AATK: variants seen among roughly 807,000 people sequenced by gnomAD.
The protein encoded by AATK is serine/threonine-protein kinase LMTK1.
Under a neutral mutation model 114.3 loss-of-function variants are expected in AATK, and 91 were observed. That is an observed-to-expected ratio of 0.80 (90% CI 0.67 to 0.95). The LOEUF is 0.95. Ranked by LOEUF, AATK falls within the 40% of genes least tolerant of loss-of-function variation. AATK has a pLI of 0.00. For missense variants in AATK, 2,176 were observed against 1,965.2 expected, an observed-to-expected ratio of 1.11 and a Z score of -2.03; for synonymous variants, 1,075 against 916.5, an observed-to-expected ratio of 1.17 and a Z score of -3.12.
chr17:81,127,764 C>T (rs766205707), intron 5 of AATK, 28 bp downstream of exon 5: 150 of 1,503,318 alleles, frequency 1.0e-4, no homozygotes, highest in Non-Finnish European at 1.3e-4. Flanking sequence ...CCGCACAGCA[C>T]AGGCCTTTGT....
Position 81,127,649 on chromosome 17 carries a change from C to A in AATK, c.555G>T (p.Leu185=), listed in dbSNP as rs565941897. Residue 185 remains leucine (L), a synonymous_variant, in exon 6 of 14, where the codon CTG becomes CTT. Transcript: ENST00000326724. ...QPYRALKHSN[L]LQCLAQCAEV... is the part of the protein sequence containing the mutation. ...CGGCGCACTGGGCCAGGCACTGGAG[C>A]AGGTTGCTGTGCTTCAGGGCCCTGC... 6 of 1,594,456 alleles carry A rather than the reference C, an allele frequency of 3.8e-6. No individual in the cohort carries two copies. In the East Asian group the frequency reaches 1.1e-4, roughly 30 times the overall value.
intron 4 of AATK, 98 bp downstream of exon 4, chr17:81,128,372 C>T: frequency 5.7e-6 from 8 of 1,408,500 alleles, no homozygotes; most frequent in South Asian, 2.5e-5. Context: ...AAGAAGGGAC[C>T]GTCGGGGCTG....
chr17:81,121,771 C>G lies in AATK; in HGVS notation c.2165G>C (p.Gly722Ala). ...CCCAAGCAGAGGCTCTCCAGGGTACCCCGGCTCGGGGGAGGCCCGTGGGGT... is the reference window on the plus strand; with the variant it reads ...CCCAAGCAGAGGCTCTCCAGGGTACGCCGGCTCGGGGGAGGCCCGTGGGGT... ...KQTPRASPEP[G>A]YPGEPLLGLQ... Residue 722 changes from glycine to alanine, a missense_variant, in exon 11 of 14, where the codon GGG becomes GCG. This residue lies in a region of AATK where 1,701 missense variants were observed against 1,394.7 expected (regional missense o/e 1.22). Coordinates refer to ENST00000326724, the MANE Select transcript of AATK (RefSeq NM_001080395.3). The G allele has an allele frequency of 5.9e-6, 9 of 1,536,664 alleles. No homozygotes were observed. The highest frequency in any genetic ancestry group is 7.9e-6 in the Non-Finnish European group (9 of 1,145,660).
chr17:81,131,171 G>C lies in AATK; in HGVS notation c.224C>G (p.Ala75Gly), dbSNP rs754738053. Residue 75 changes from alanine (A) to glycine (G), a missense_variant, in exon 3 of 14, where the codon GCC (alanine) becomes GGC (glycine). By Grantham distance (60) the Ala-to-Gly change is moderately conservative. Around this residue, in one of 4 missense-constraint regions of AATK, gnomAD observed 178 missense variants for 175.4 expected, o/e 1.01. Transcript: ENST00000326724. The part of the protein sequence containing the change: ...FENAEGDEYA[A>G]DLAQGSPATA... The stretch of plus-strand genomic sequence containing the variant: ...GGCCGGGGAGCCCTGCGCCAGGTCG[G>C]CTGCGTACTCGTCCCCCTCCGCATT... 2.1e-5 allele frequency: 33 copies of C among 1,580,374 alleles called. No homozygotes were observed. The highest frequency in any genetic ancestry group is 7.1e-5 in the Admixed American group (4 of 56,512).
rs2060835595 is a variant in AATK at position 81,126,824 on chromosome 17, T to G, written c.622-264A>C. On this transcript the variant is annotated intron_variant, in intron 6 of 13. Coordinates refer to ENST00000326724, the MANE Select transcript of AATK (RefSeq NM_001080395.3). The surrounding 1 kb of genome is among the most constrained non-coding windows in gnomAD (Gnocchi z 5.1). ...GCAGCAGGAGTCCCTTGGCCTGTGG[T>G]AGAGAGAGAAACACAGGGCCCAAGT... The G allele has an allele frequency of 3.0e-6, 4 of 1,315,308 alleles. No homozygotes were observed. Among genetic ancestry groups the G allele is most frequent in the Non-Finnish European group, 3.9e-6 (4 of 1,030,632 alleles). The allele number at this position is 1,315,308 out of a possible 1,614,324, so 81.5% of individuals were successfully genotyped here.
rs140208789 is a variant in AATK at position 81,154,983 on chromosome 17, G to A, written c.55+10955C>T. Among the ~76,000 whole-genome samples, 338 of 152,282 alleles carry A rather than the reference G, an allele frequency of 2.2e-3. 1 individual carries two copies. The highest frequency in any genetic ancestry group is 7.6e-3 in the African/African-American group (316 of 41,558). On this transcript the variant is annotated intron_variant, in intron 1 of 13. Coordinates refer to ENST00000326724, the MANE Select transcript of AATK (RefSeq NM_001080395.3). The stretch of plus-strand genomic sequence containing the variant: ...TACTTCTTACAGCTCGCTGTGCTCT[G>A]TGCTTCATCTCCAAATCATTTCCAG...
intron 1 of AATK, among the ~76,000 whole-genome samples, chr17:81,161,192 T>A (rs2146421795): frequency 6.6e-6 from 1 of 152,222 alleles, no homozygotes; most frequent in Middle Eastern, 3.4e-3. Context: ...GTGCTCACAG[T>A]TCTGGACAGT....
Position 81,118,219 on chromosome 17 carries a change from G to T in AATK, c.*183C>A, listed in dbSNP as rs115898400. 4 of 616,168 alleles carry T rather than the reference G, an allele frequency of 6.5e-6. No homozygotes were observed. The Admixed American group carries it at 1.2e-4, about 18-fold the overall frequency. 38.2% of individuals were successfully genotyped at this position (616,168 alleles called of 1,614,324 possible). On this transcript the variant is annotated 3_prime_UTR_variant, in exon 14 of 14. Transcript: ENST00000326724. The stretch of plus-strand genomic sequence containing the variant: ...TCTGCCTCTGGGGCGGAGCATGGCC[G>T]ATCTACCATCCAGGGCCTCTCATCC...
In AATK at chr17:81,126,047, C is replaced by T; in HGVS notation, c.755+380G>A. On this transcript the variant is annotated intron_variant, in intron 7 of 13. Coordinates refer to ENST00000326724, the MANE Select transcript of AATK (RefSeq NM_001080395.3). The surrounding 1 kb of genome is among the most constrained non-coding windows in gnomAD (Gnocchi z 5.1). Reference sequence around the variant, plus strand: ...GGTCCCCAGGGGCTGGGCATCCTGGCCCAAGCAGGACAGAACCCTCCCTCC... The same window carrying T: ...GGTCCCCAGGGGCTGGGCATCCTGGTCCAAGCAGGACAGAACCCTCCCTCC... 2 of 483,964 alleles carry T rather than the reference C, an allele frequency of 4.1e-6. No individual in the cohort carries two copies. The highest frequency in any genetic ancestry group is 3.1e-5 in the South Asian group (2 of 64,496). The allele number at this position is 483,964 out of a possible 1,614,324, so 30.0% of individuals were successfully genotyped here. A position where few individuals can be genotyped will look rare whatever the true frequency, so the allele number is the denominator to read the frequency against.
In AATK at chr17:81,126,922, C is replaced by T; in HGVS notation, c.622-362G>A. On this transcript the variant is annotated intron_variant, in intron 6 of 13. Transcript: ENST00000326724. The surrounding 1 kb of genome is among the most constrained non-coding windows in gnomAD (Gnocchi z 5.1). ...AGCCCCTGACCTGCCGAAAGCCCAGCCCCGGGACGGTCAACGTCAGGAGTC... is the reference window on the plus strand; with the variant it reads ...AGCCCCTGACCTGCCGAAAGCCCAGTCCCGGGACGGTCAACGTCAGGAGTC... 3 of 993,264 alleles carry T rather than the reference C, an allele frequency of 3.0e-6. No individual in the cohort carries two copies. The highest frequency in any genetic ancestry group is 3.8e-6 in the Non-Finnish European group (3 of 799,446). 61.5% of individuals were successfully genotyped at this position (993,264 alleles called of 1,614,324 possible).
chr17:81,127,568 C>CG lies in AATK; in HGVS notation c.621+14dup, dbSNP rs2060862053. 6 of 1,584,724 alleles carry CG rather than the reference C, an allele frequency of 3.8e-6. No individual in the cohort carries two copies. Among genetic ancestry groups the CG allele is most frequent in the Non-Finnish European group, 5.1e-6 (6 of 1,166,218 alleles). On this transcript the variant is annotated intron_variant, in intron 6 of 13. Coordinates refer to ENST00000326724, the MANE Select transcript of AATK (RefSeq NM_001080395.3). ...CTCAGCAAAGACCCCAGCATCCCCC[C>CG]GGGCAGCAGCTCACCAGTGGGCAGA...
chr17:81,156,118 CTA>C (rs1054292641), intron 1 of AATK, among the ~76,000 whole-genome samples: 2 of 102,470 alleles, frequency 2.0e-5, no homozygotes, highest in African/African-American at 1.3e-4. Flanking sequence ...ATGTATGTTA[CTA>C]TGTTACAATG....
At chr17:81,124,083 C>T (rs929466163) in intron 9 of AATK, among the ~76,000 whole-genome samples, 4 of 152,136 alleles carry the variant, frequency 2.6e-5, no homozygotes, top group Admixed American at 2.0e-4. Context: ...AGGGGAGGCC[C>T]CAAAAGCTCA....
chr17:81,151,966 C>A (rs1053950376), intron 1 of AATK, among the ~76,000 whole-genome samples: 1 of 152,170 alleles, frequency 6.6e-6, no homozygotes, highest in Non-Finnish European at 1.5e-5. Context: ...GGCAGTGCCA[C>A]GCTTGCCTTC....
intron 1 of AATK, among the ~76,000 whole-genome samples, chr17:81,155,448 G>A (rs912498224): frequency 1.3e-5 from 2 of 151,664 alleles, no homozygotes; most frequent in South Asian, 2.1e-4. Flanking sequence ...AGTGCAGTGC[G>A]TGATCTTGGC....
intron 13 of AATK, 46 bp from the exon 14 acceptor site, chr17:81,118,488 G>C (rs952048347): frequency 6.3e-7 from 1 of 1,588,822 alleles, no homozygotes; most frequent in South Asian, 1.1e-5. Flanking sequence ...TGAGACACCA[G>C]GGCTGCCTCC....
chr17:81,127,590 C>T lies in AATK; in HGVS notation c.614G>A (p.Cys205Tyr). 6.3e-7 allele frequency: 1 copy of T among 1,598,682 alleles called. No individual in the cohort carries two copies. Among genetic ancestry groups the T allele is most frequent in the Non-Finnish European group, 8.5e-7 (1 of 1,173,266 alleles). ...VTPYLLVMEF[C>Y]PLGDLKGYLR... ...CCCCGGGCAGCAGCTCACCAGTGGG[C>T]AGAACTCCATCACCAGCAGGTAGGG... is the stretch of plus-strand genomic sequence containing the variant. The change falls in exon 6 of 14, where the codon TGC becomes TAC. Residue 205 changes from cysteine (C) to tyrosine (Y), a missense_variant. This residue lies in a region of AATK where 273 missense variants were observed against 344.1 expected (regional missense o/e 0.79). Coordinates refer to ENST00000326724, the MANE Select transcript of AATK (RefSeq NM_001080395.3).
intron 1 of AATK, among the ~76,000 whole-genome samples, chr17:81,161,887 C>T (rs1486820812): frequency 6.6e-6 from 1 of 152,158 alleles, no homozygotes; most frequent in East Asian, 1.9e-4. Context: ...CACAACACAA[C>T]AGCTGCCAGC....
At chr17:81,131,954 C>T (rs573967449) in intron 2 of AATK, 2 of 1,337,490 alleles carry the variant, frequency 1.5e-6, no homozygotes, top group African/African-American at 3.0e-5. Context: ...GTGGCCACAC[C>T]ACCTCCGGAG....
Sources: gnomAD v4.1 joint callset for allele counts (sites outside exome capture counted in the v4.1 genomes callset) on GRCh38, gnomAD v4.1.1 for gene constraint, gnomAD v4.1.1 regional missense constraint, Gnocchi (gnomAD v3.1) non-coding constraint, MANE v1.5 for transcripts, NCBI Gene and HGNC (gene_info 2026-07-23, HGNC 2026-07-21) for gene names.